Variants in SLC38A10 observed in about 807,000 individuals in gnomAD.
The protein encoded by SLC38A10 is Sodium-coupled neutral amino acid transporter 10.
Under a neutral mutation model 81.0 loss-of-function variants are expected in SLC38A10, and 53 were observed. That is an observed-to-expected ratio of 0.65 (90% confidence interval 0.53 to 0.82). The LOEUF (loss-of-function observed/expected upper bound fraction) is 0.82. Among genes scored for constraint, SLC38A10 ranks in the 40% least tolerant of loss-of-function variants. The pLI is 0.00. For missense variants in SLC38A10, 1,471 were observed against 1,545.0 expected, an observed-to-expected ratio of 0.95 and a Z score of 0.80; for synonymous variants, 665 against 655.3, an observed-to-expected ratio of 1.01 and a Z score of -0.23.
chr17:81,295,044 G>C lies in SLC38A10; in HGVS notation c.-123C>G. Reference sequence around the variant, plus strand: ...ACGTCCGGGACGCCGGTGGGGAGGGGATGGGCAGCCTGAACACGGGAGCCT... The same window carrying C: ...ACGTCCGGGACGCCGGTGGGGAGGGCATGGGCAGCCTGAACACGGGAGCCT... On this transcript the variant is annotated 5_prime_UTR_variant, in exon 1 of 16. It adds an upstream start codon to the 5' untranslated region. Coordinates refer to ENST00000374759, the MANE Select transcript of SLC38A10 (RefSeq NM_001037984.3). 7.4e-7 allele frequency: 1 copy of C among 1,352,512 alleles called. No individual in the cohort carries two copies. Among genetic ancestry groups the C allele is most frequent in the Admixed American group, 3.7e-5 (1 of 26,836 alleles). The allele number at this position is 1,352,512 out of a possible 1,614,324, so 83.8% of individuals were successfully genotyped here. A position where few individuals can be genotyped will look rare whatever the true frequency, so the allele number is the denominator to read the frequency against.
chr17:81,265,846 C>T lies in SLC38A10; in HGVS notation c.1131+5072G>A, dbSNP rs1255394649. Among the ~76,000 whole-genome samples the T allele has an allele frequency of 2.0e-5, 3 of 152,222 alleles. No homozygotes were observed. Among genetic ancestry groups the T allele is most frequent in the Non-Finnish European group, 2.9e-5 (2 of 68,034 alleles). On this transcript the variant is annotated intron_variant, in intron 10 of 15. Coordinates refer to ENST00000374759, the MANE Select transcript of SLC38A10 (RefSeq NM_001037984.3). The surrounding 1 kb of genome is among the most constrained non-coding windows in gnomAD (Gnocchi z 4.2). The stretch of plus-strand genomic sequence containing the variant: ...CTGGCCCCACGACCTACTGCGGAGC[C>T]GTAGGAGCGCTGGGGACAGGACGCA...
chr17:81,270,743 G>A lies in SLC38A10; in HGVS notation c.1131+175C>T, dbSNP rs575471082. On this transcript the variant is annotated intron_variant, in intron 10 of 15. Coordinates refer to ENST00000374759, the MANE Select transcript of SLC38A10 (RefSeq NM_001037984.3). This position sits in a 1 kb window ranked among gnomAD's most constrained non-coding sequence, Gnocchi z 4.0. Reference sequence around the variant, plus strand: ...TGGCCCTGCTGGGCAAAGACCGTGCGTCCTGGTGAACCCAGGGTTCCCCAG... The same window carrying A: ...TGGCCCTGCTGGGCAAAGACCGTGCATCCTGGTGAACCCAGGGTTCCCCAG... Among the ~76,000 whole-genome samples, 6 of 152,206 alleles carry A rather than the reference G, an allele frequency of 3.9e-5. No individual in the cohort carries two copies. The highest frequency in any genetic ancestry group is 8.8e-5 in the Non-Finnish European group (6 of 68,030).
rs1478247947 is a variant in SLC38A10, at chr17:81,281,015, G to C, written c.502-282C>G. 2.6e-5 allele frequency among the ~76,000 whole-genome samples: 4 copies of C among 152,238 alleles called. No homozygotes were observed. Among genetic ancestry groups the C allele is most frequent in the Non-Finnish European group, 5.9e-5 (4 of 68,030 alleles). ...TCTTGCAAGGGGGCTGCTTGGCGCA[G>C]ACGGGAGGAGACCACTGAGCATGCA... On this transcript the variant is annotated intron_variant, in intron 5 of 15. Transcript: ENST00000374759. This position sits in a 1 kb window ranked among gnomAD's most constrained non-coding sequence, Gnocchi z 5.3.
Position 81,289,686 on chromosome 17 carries a change from C to T in SLC38A10, c.217+5G>A. On this transcript the variant is annotated splice_donor_5th_base_variant and intron_variant, in intron 2 of 15. Coordinates refer to ENST00000374759, the MANE Select transcript of SLC38A10 (RefSeq NM_001037984.3). The surrounding 1 kb of genome is among the most constrained non-coding windows in gnomAD (Gnocchi z 5.9). ...CAGAGCCACCTTGTGGAGAGGGCGC[C>T]TCACCCAGGCCGGCGTAGGTCCTCC... The T allele has an allele frequency of 5.0e-6, 8 of 1,604,014 alleles. No individual in the cohort carries two copies. The highest frequency in any genetic ancestry group is 6.8e-6 in the Non-Finnish European group (8 of 1,177,178).
chr17:81,282,478 C>T, intron 4 of SLC38A10, 146 bp from the exon 5 acceptor site: 2 of 1,172,490 alleles, frequency 1.7e-6, no homozygotes, highest in Non-Finnish European at 2.4e-6. Flanking sequence ...GGCTGGCACA[C>T]TCGCCCGAAG....
At chr17:81,280,002 G>C in intron 6 of SLC38A10, 1 of 341,034 alleles carries the variant, frequency 2.9e-6, no homozygotes, top group Non-Finnish European at 6.0e-6. Flanking sequence ...CCAGCCCCCC[G>C]CATGCCGATG....
chr17:81,292,435 A>G (rs1186300314), intron 1 of SLC38A10, among the ~76,000 whole-genome samples: 1 of 151,918 alleles, frequency 6.6e-6, no homozygotes, highest in Admixed American at 6.6e-5. Context: ...ATGTATATAT[A>G]TAAATATATC....
chr17:81,287,966 C>T (rs566951374), intron 2 of SLC38A10, among the ~76,000 whole-genome samples: 16 of 152,354 alleles, frequency 1.1e-4, no homozygotes, highest in Admixed American at 2.6e-4. Context: ...CGCCCAGGCA[C>T]GGTGCCTCCT....
chr17:81,277,158 A>G lies in SLC38A10; in HGVS notation c.627-25T>C, dbSNP rs779590773. Reference sequence around the variant, plus strand: ...GCTGTATAGAAACAGGCCATTTCACAGCGGACCTGAGAGAGGCACGCCCTC... The same window carrying G: ...GCTGTATAGAAACAGGCCATTTCACGGCGGACCTGAGAGAGGCACGCCCTC... On this transcript the variant is annotated intron_variant, in intron 6 of 15. Transcript: ENST00000374759. The surrounding 1 kb of genome is among the most constrained non-coding windows in gnomAD (Gnocchi z 4.5). 6 of 1,609,562 alleles carry G rather than the reference A, an allele frequency of 3.7e-6. No homozygotes were observed. The highest frequency in any genetic ancestry group is 4.5e-5 in the East Asian group (2 of 44,804).
intron 10 of SLC38A10, among the ~76,000 whole-genome samples, chr17:81,266,463 C>T (rs2063070945): frequency 6.6e-6 from 1 of 151,816 alleles, no homozygotes; most frequent in African/African-American, 2.4e-5. Flanking sequence ...ACTAAAAATA[C>T]AAAAAATTAG....
At chr17:81,251,278 A>C (rs749375505) in intron 14 of SLC38A10, 5 of 1,607,438 alleles carry the variant, frequency 3.1e-6, no homozygotes, top group Non-Finnish European at 4.2e-6. Flanking sequence ...GCAGGTGTTT[A>C]AAGGGGAGTA....
rs1221470389 is a variant in SLC38A10, at chr17:81,253,691, T to A, written c.1289-451A>T. Among the ~76,000 whole-genome samples, 1 of 138,978 alleles carries A rather than the reference T, an allele frequency of 7.2e-6. No individual in the cohort carries two copies. The highest frequency in any genetic ancestry group is 2.4e-4 in the East Asian group (1 of 4,196). The allele number at this position is 138,978 out of a possible 152,430, so 91.2% of individuals were successfully genotyped here. ...ATCATCTCCATCCCTACCACCAACA[T>A]CACCATCATCACCATCACCATCACC... On this transcript the variant is annotated intron_variant, in intron 11 of 15. Coordinates refer to ENST00000374759, the MANE Select transcript of SLC38A10 (RefSeq NM_001037984.3). The surrounding 1 kb of genome is among the most constrained non-coding windows in gnomAD (Gnocchi z 4.1).
At chr17:81,251,444 C>G in intron 14 of SLC38A10, 49 bp downstream of exon 14, 1 of 1,607,670 alleles carries the variant, frequency 6.2e-7, no homozygotes, top group Non-Finnish European at 8.5e-7. Flanking sequence ...GGGGAGGGGG[C>G]TGCCGCTCCC....
chr17:81,269,018 T>G (rs1240040265), intron 10 of SLC38A10, among the ~76,000 whole-genome samples: 1 of 152,168 alleles, frequency 6.6e-6, no homozygotes, highest in East Asian at 1.9e-4. Flanking sequence ...GAAAAGTATT[T>G]CCAATGATAA....
In SLC38A10 at chr17:81,277,811, C is replaced by T. The variant is rs965968750; in HGVS notation, c.627-678G>A. Among the ~76,000 whole-genome samples the T allele has an allele frequency of 2.6e-5, 4 of 152,300 alleles. No homozygotes were observed. The highest frequency in any genetic ancestry group is 2.1e-4 in the South Asian group (1 of 4,830). On this transcript the variant is annotated intron_variant, in intron 6 of 15. Transcript: ENST00000374759. This position sits in a 1 kb window ranked among gnomAD's most constrained non-coding sequence, Gnocchi z 4.5. The stretch of plus-strand genomic sequence containing the variant: ...GGCCTCTGGAAAGGGGTGGGCGAGA[C>T]GACAAGGGAGAGGCTGGGGCCATGG...
At chr17:81,282,371 G>C (rs549291351) in intron 4 of SLC38A10, 39 bp from the exon 5 acceptor site, 13 of 1,575,338 alleles carry the variant, frequency 8.3e-6, no homozygotes, top group East Asian at 7.0e-5. Flanking sequence ...CACAGCCCGT[G>C]CCTGCTCACC....
chr17:81,255,585 C>A (rs762873378), intron 11 of SLC38A10, among the ~76,000 whole-genome samples: 3 of 152,212 alleles, frequency 2.0e-5, no homozygotes, highest in Non-Finnish European at 4.4e-5. Context: ...GCAACACACC[C>A]GGCTAAGCCA....
chr17:81,251,383 G>C (rs905795231), intron 14 of SLC38A10, 110 bp downstream of exon 14: 4 of 1,612,524 alleles, frequency 2.5e-6, no homozygotes, highest in Non-Finnish European at 3.4e-6. Context: ...GGAAAGAGAA[G>C]GGGGGCCTGG....
chr17:81,294,536 G>A (rs1436749096), intron 1 of SLC38A10, among the ~76,000 whole-genome samples: 1 of 152,230 alleles, frequency 6.6e-6, no homozygotes, highest in East Asian at 1.9e-4. Context: ...TTCCGATTCT[G>A]GAGGATCATT....
Sources: gnomAD v4.1 joint callset for allele counts (sites outside exome capture counted in the v4.1 genomes callset) on GRCh38, gnomAD v4.1.1 for gene constraint, Gnocchi (gnomAD v3.1) non-coding constraint, MANE v1.5 for transcripts, NCBI Gene and HGNC (gene_info 2026-07-23, HGNC 2026-07-21) for gene names.